NRG1: variants seen among roughly 807,000 people sequenced by gnomAD.
NRG1 encodes neuregulin 1.
A neutral mutation model predicts 63.8 loss-of-function variants in NRG1; 18 were observed. That is an observed-to-expected ratio of 0.28 (90% CI 0.19 to 0.42). NRG1 has a LOEUF of 0.42. NRG1 is among the 10% of genes least tolerant of loss of function. The pLI, the probability that NRG1 is intolerant of heterozygous loss-of-function variation, is 1.00. For synonymous variants in NRG1, 302 were observed against 301.3 expected, an observed-to-expected ratio of 1.00 and a Z score of -0.02; for missense variants, 762 against 814.7, an observed-to-expected ratio of 0.94 and a Z score of 0.79.
At chr8:32,581,105 C>G (rs536515266) in intron 1 of NRG1, among the ~76,000 whole-genome samples, 1 of 152,266 alleles carries the variant, frequency 6.6e-6, no homozygotes, top group East Asian at 1.9e-4. Context: ...AATGTCAACT[C>G]CAGGAGAACA....
rs150054537 is a variant in NRG1, at chr8:32,061,287, G to A, written c.37+421856G>A. 4.1e-4 allele frequency among the ~76,000 whole-genome samples: 63 copies of A among 151,908 alleles called. 1 individual carries two copies. In the East Asian group the frequency reaches 0.012, roughly 29 times the overall value. On this transcript the variant is annotated intron_variant, in intron 1 of 10. Coordinates refer to the NRG1 transcript ENST00000519301. ...TTAAAGTACCTCCTTTAAAGCACCA[G>A]ACCAGTAGTCAATTATTATGATACT...
At chr8:32,058,936 C>T (rs1823405773) in intron 1 of NRG1, among the ~76,000 whole-genome samples, 1 of 151,994 alleles carries the variant, frequency 6.6e-6, no homozygotes, top group Non-Finnish European at 1.5e-5. Flanking sequence ...TTGATATTTG[C>T]ACGTTCTGCT....
intron 1 of NRG1, among the ~76,000 whole-genome samples, chr8:31,745,136 G>A (rs907723206): frequency 6.6e-6 from 1 of 151,926 alleles, no homozygotes; most frequent in African/African-American, 2.4e-5. Flanking sequence ...GAGTTAAGAG[G>A]AAGAGGTAGA....
intron 1 of NRG1, among the ~76,000 whole-genome samples, chr8:32,253,198 G>C (rs1488362422): frequency 6.6e-6 from 1 of 152,074 alleles, no homozygotes. Context: ...TCTTTCTCTT[G>C]CCTGATTGCC....
intron 1 of NRG1, among the ~76,000 whole-genome samples, chr8:31,981,328 A>T (rs1260807011): frequency 1.3e-5 from 2 of 152,018 alleles, no homozygotes; most frequent in African/African-American, 4.8e-5. Context: ...TTTTTCCTAA[A>T]AAAACCCACT....
At chr8:32,685,334 G>T (rs941290575) in intron 5 of NRG1, among the ~76,000 whole-genome samples, 1 of 152,068 alleles carries the variant, frequency 6.6e-6, no homozygotes, top group Non-Finnish European at 1.5e-5. Context: ...TTATTCTTTT[G>T]GAGGGACTTA....
intron 1 of NRG1, among the ~76,000 whole-genome samples, chr8:32,150,054 A>G (rs2131817397): frequency 6.6e-6 from 1 of 152,330 alleles, no homozygotes; most frequent in South Asian, 2.1e-4. Flanking sequence ...TTATTACCAT[A>G]TCCATTTGCT....
chr8:32,453,536 T>C (rs1821237523), intron 1 of NRG1, among the ~76,000 whole-genome samples: 1 of 152,216 alleles, frequency 6.6e-6, no homozygotes, highest in African/African-American at 2.4e-5. Flanking sequence ...GTTTAGCTTT[T>C]CTCCAGAATG....
chr8:32,703,745 G>T (rs1815602009), intron 5 of NRG1, among the ~76,000 whole-genome samples: 1 of 152,122 alleles, frequency 6.6e-6, no homozygotes, highest in African/African-American at 2.4e-5. Flanking sequence ...AACATGTATG[G>T]TCTATTCTTT....
At chr8:32,476,807 AATTG>A (rs1194163204) in intron 1 of NRG1, among the ~76,000 whole-genome samples, 1 of 152,162 alleles carries the variant, frequency 6.6e-6, no homozygotes, top group East Asian at 1.9e-4. Flanking sequence ...TTTCGTGGTT[AATTG>A]ATTGGCCAGC....
intron 1 of NRG1, among the ~76,000 whole-genome samples, chr8:31,929,974 C>T (rs1834732445): frequency 6.6e-6 from 1 of 152,192 alleles, no homozygotes; most frequent in African/African-American, 2.4e-5. Context: ...AGGATCTGCC[C>T]CTTTCTTGTT....
chr8:32,537,816 G>A (rs1229540382), intron 1 of NRG1, among the ~76,000 whole-genome samples: 1 of 152,068 alleles, frequency 6.6e-6, no homozygotes, highest in Non-Finnish European at 1.5e-5. Context: ...CTTTTTCAAG[G>A]ACAGGCTTCT....
chr8:32,397,555 T>C (rs546305179), intron 1 of NRG1, among the ~76,000 whole-genome samples: 140 of 151,980 alleles, frequency 9.2e-4, no homozygotes, highest in Non-Finnish European at 1.6e-3. Context: ...TCATAAGATG[T>C]AGTCAGTACC....
At chr8:32,376,115 A>T (rs1809591040) in intron 1 of NRG1, among the ~76,000 whole-genome samples, 2 of 152,362 alleles carry the variant, frequency 1.3e-5, no homozygotes, top group East Asian at 3.8e-4. Context: ...AAAACTAGGT[A>T]TAACAATGAA....
At chr8:32,008,047 G>A (rs1814073172) in intron 1 of NRG1, among the ~76,000 whole-genome samples, 1 of 151,838 alleles carries the variant, frequency 6.6e-6, no homozygotes, top group South Asian at 2.1e-4. Flanking sequence ...AGTATAGGTG[G>A]GACTGGTATA....
rs1224928528 is a variant in NRG1, at chr8:32,608,107, GTT to G, written c.400+2438_400+2439del. 1.1e-3 allele frequency among the ~76,000 whole-genome samples: 116 copies of G among 104,836 alleles called. 1 individual carries two copies. The highest frequency in any genetic ancestry group is 3.9e-3 in the African/African-American group (104 of 26,562). 68.8% of individuals were successfully genotyped at this position (104,836 alleles called of 152,430 possible). A position where few individuals can be genotyped will look rare whatever the true frequency, so the allele number is the denominator to read the frequency against. Reference sequence around the variant, plus strand: ...GGTTTTTTTTGTTTTTTTTTTTTTTGTTTTTTTTTTTTTTTGCTTCATTCCTA... The same window carrying G: ...GGTTTTTTTTGTTTTTTTTTTTTTTGTTTTTTTTTTTTTGCTTCATTCCTA... On this transcript the variant is annotated intron_variant, in intron 3 of 11. Coordinates refer to ENST00000356819, the Ensembl canonical transcript of NRG1.
At chr8:32,678,146 C>T (rs1340645284) in intron 5 of NRG1, among the ~76,000 whole-genome samples, 1 of 152,084 alleles carries the variant, frequency 6.6e-6, no homozygotes, top group Non-Finnish European at 1.5e-5. Flanking sequence ...TAAAAAATCT[C>T]CTTTAGAGAT....
Position 31,971,984 on chromosome 8 carries a change from TG to T in NRG1, c.37+332556del, listed in dbSNP as rs539116247. 9.2e-5 allele frequency among the ~76,000 whole-genome samples: 14 copies of T among 152,296 alleles called. No individual in the cohort carries two copies. In the South Asian group the frequency reaches 2.9e-3, roughly 32 times the overall value. On this transcript the variant is annotated intron_variant, in intron 1 of 10. Transcript: ENST00000519301. ...GCATTTTCTTCCTGCATTTGGAACCTGGGTTTCCTTTAAGGACACCAACTCC... is the reference window on the plus strand; with the variant it reads ...GCATTTTCTTCCTGCATTTGGAACCTGGTTTCCTTTAAGGACACCAACTCC...
At chr8:32,286,757 G>C (rs1170204026) in intron 1 of NRG1, among the ~76,000 whole-genome samples, 1 of 152,136 alleles carries the variant, frequency 6.6e-6, no homozygotes, top group Non-Finnish European at 1.5e-5. Flanking sequence ...CTAACACTTA[G>C]AGGCCGAGGC....
Sources: allele counts gnomAD v4.1 joint callset (sites outside exome capture counted in the v4.1 genomes callset), GRCh38; gene constraint gnomAD v4.1.1; transcripts MANE v1.5; gene names NCBI Gene and HGNC (gene_info 2026-07-23, HGNC 2026-07-21).